The following FBXO8 variants were observed in gnomAD, a reference collection of about 807,000 sequenced individuals.
FBXO8 encodes F-box only protein 8.
A neutral mutation model predicts 33.4 loss-of-function variants in FBXO8; 15 were observed. The ratio of observed to expected loss-of-function variants is 0.45; its 90% CI spans 0.30 to 0.69. FBXO8 has a LOEUF of 0.69. Ranked by LOEUF, FBXO8 falls within the 30% of genes least tolerant of loss-of-function variation. The pLI, the probability that FBXO8 is intolerant of heterozygous loss-of-function variation, is 0.08. For synonymous variants in FBXO8, 132 were observed against 131.5 expected (o/e 1.00, Z -0.02); for missense variants, 274 against 380.3 (o/e 0.72, Z 2.32).
Position 174,253,766 on chromosome 4 carries a change from TAGA to T in FBXO8, c.456+5930_456+5932del, listed in dbSNP as rs1196267897. Among the ~76,000 whole-genome samples, 3 of 152,214 alleles carry T rather than the reference TAGA, an allele frequency of 2.0e-5. No homozygotes were observed. Among genetic ancestry groups the T allele is most frequent in the Non-Finnish European group, 2.9e-5 (2 of 68,046 alleles). On this transcript the variant is annotated intron_variant, in intron 3 of 5. Coordinates refer to ENST00000393674, the MANE Select transcript of FBXO8 (RefSeq NM_012180.3). This position sits in a 1 kb window ranked among gnomAD's most constrained non-coding sequence, Gnocchi z 4.5. Reference sequence around the variant, plus strand: ...TCAATTATGTTCTATAAGAAATGAGTAGAAGTACGCCAAAGGCTTCTCAAAAAG... The same window carrying T: ...TCAATTATGTTCTATAAGAAATGAGTAGTACGCCAAAGGCTTCTCAAAAAG...
Position 174,255,540 on chromosome 4 carries a change from CAT to C in FBXO8, c.456+4157_456+4158del, listed in dbSNP as rs935258644. Among the ~76,000 whole-genome samples the C allele has an allele frequency of 3.3e-5, 5 of 151,214 alleles. No homozygotes were observed. The highest frequency in any genetic ancestry group is 9.7e-5 in the African/African-American group (4 of 41,158). ...TTAGTAAAATGTATAAAATTATACA[CAT>C]GTGGATATTTCTGCATAAATACCAG... On this transcript the variant is annotated intron_variant, in intron 3 of 5. Coordinates refer to ENST00000393674, the MANE Select transcript of FBXO8 (RefSeq NM_012180.3). The surrounding 1 kb of genome is among the most constrained non-coding windows in gnomAD (Gnocchi z 4.3).
In FBXO8 at chr4:174,277,803, A is replaced by C. The variant is rs1240230729; in HGVS notation, c.-9+5607T>G. Reference sequence around the variant, plus strand: ...AATGTGTGCTACAATAGTTATCTCTAAAATACAAATTCTAACGATAAGGAA... The same window carrying C: ...AATGTGTGCTACAATAGTTATCTCTCAAATACAAATTCTAACGATAAGGAA... On this transcript the variant is annotated intron_variant, in intron 1 of 5. Coordinates refer to ENST00000393674, the MANE Select transcript of FBXO8 (RefSeq NM_012180.3). The surrounding 1 kb of genome is among the most constrained non-coding windows in gnomAD (Gnocchi z 4.9). Among the ~76,000 whole-genome samples the C allele has an allele frequency of 6.6e-6, 1 of 152,176 alleles. No homozygotes were observed. Among genetic ancestry groups the C allele is most frequent in the Admixed American group, 6.5e-5 (1 of 15,286 alleles).
chr4:174,282,080 A>C (rs1434175303), intron 1 of FBXO8, among the ~76,000 whole-genome samples: 2 of 152,216 alleles, frequency 1.3e-5, no homozygotes, highest in Admixed American at 6.5e-5. Flanking sequence ...CTGAATGACT[A>C]ATTTCAACAC....
chr4:174,271,252 T>C (rs1329758319), intron 1 of FBXO8, among the ~76,000 whole-genome samples: 1 of 152,152 alleles, frequency 6.6e-6, no homozygotes, highest in Non-Finnish European at 1.5e-5. Flanking sequence ...AGACAGAGGA[T>C]AGTCTGCAAT....
In FBXO8 at chr4:174,261,164, TA is replaced by T. The variant is rs1736550805; in HGVS notation, c.330-1340del. Among the ~76,000 whole-genome samples, 1 of 151,982 alleles carries T rather than the reference TA, an allele frequency of 6.6e-6. No homozygotes were observed. On this transcript the variant is annotated intron_variant, in intron 2 of 5. Coordinates refer to ENST00000393674, the MANE Select transcript of FBXO8 (RefSeq NM_012180.3). The surrounding 1 kb of genome is among the most constrained non-coding windows in gnomAD (Gnocchi z 4.1). Reference sequence around the variant, plus strand: ...AATATTATCAATATTTTTTCAGTCTTATTAATCTAGTCCCAATAAAACCCAA... The same window carrying T: ...AATATTATCAATATTTTTTCAGTCTTTTAATCTAGTCCCAATAAAACCCAA...
At chr4:174,246,556 G>A (rs954162827) in intron 3 of FBXO8, among the ~76,000 whole-genome samples, 2 of 150,806 alleles carry the variant, frequency 1.3e-5, no homozygotes, top group African/African-American at 2.4e-5. Context: ...TACAAAGGAG[G>A]AAAAAATGGC....
At position 174,259,675 on chromosome 4, in the gene FBXO8, C is replaced by G; in HGVS notation, c.456+24G>C. 1 of 1,603,838 alleles carries G rather than the reference C, an allele frequency of 6.2e-7. No homozygotes were observed. Among genetic ancestry groups the G allele is most frequent in the Non-Finnish European group, 8.5e-7 (1 of 1,176,516 alleles). ...AGATAGTAATAAAGGTCACTGGATA[C>G]AAATATTCAAGTTCTTCACTAACCT... On this transcript the variant is annotated intron_variant, in intron 3 of 5. Coordinates refer to ENST00000393674, the MANE Select transcript of FBXO8 (RefSeq NM_012180.3). This position sits in a 1 kb window ranked among gnomAD's most constrained non-coding sequence, Gnocchi z 4.3.
In FBXO8 at chr4:174,270,906, A is replaced by G. The variant is rs760844765; in HGVS notation, c.-8-7806T>C. ...ATAGGTTTTAAACTAATATTGGGAT[A>G]AGTATAAATGGCAGGGTATCATCTC... On this transcript the variant is annotated intron_variant, in intron 1 of 5. Coordinates refer to ENST00000393674, the MANE Select transcript of FBXO8 (RefSeq NM_012180.3). The surrounding 1 kb of genome is among the most constrained non-coding windows in gnomAD (Gnocchi z 4.6). 5.4e-4 allele frequency among the ~76,000 whole-genome samples: 82 copies of G among 152,210 alleles called. 1 individual carries two copies. Among genetic ancestry groups the G allele is most frequent in the Non-Finnish European group, 2.2e-4 (15 of 68,048 alleles).
chr4:174,251,696 G>T lies in FBXO8; in HGVS notation c.456+8003C>A, dbSNP rs1736288690. On this transcript the variant is annotated intron_variant, in intron 3 of 5. Coordinates refer to ENST00000393674, the MANE Select transcript of FBXO8 (RefSeq NM_012180.3). This position sits in a 1 kb window ranked among gnomAD's most constrained non-coding sequence, Gnocchi z 4.2. Reference sequence around the variant, plus strand: ...AGCACCATTTGACTAATTGTAGCTAGTCGCTTGAAGGTATTAAGTTGTCTA... The same window carrying T: ...AGCACCATTTGACTAATTGTAGCTATTCGCTTGAAGGTATTAAGTTGTCTA... Among the ~76,000 whole-genome samples the T allele has an allele frequency of 6.6e-6, 1 of 152,132 alleles. No homozygotes were observed. Among genetic ancestry groups the T allele is most frequent in the African/African-American group, 2.4e-5 (1 of 41,452 alleles).
intron 4 of FBXO8, 44 bp from the exon 5 acceptor site, chr4:174,239,234 A>T (rs767704212): frequency 7.5e-7 from 1 of 1,334,588 alleles, no homozygotes; most frequent in Middle Eastern, 1.9e-4. Context: ...ACTTTTCTTC[A>T]TTAAAAAAAT....
In FBXO8 at chr4:174,263,562, C is replaced by G. The variant is rs971296306; in HGVS notation, c.-8-462G>C. Among the ~76,000 whole-genome samples the G allele has an allele frequency of 1.3e-5, 2 of 152,044 alleles. No homozygotes were observed. The highest frequency in any genetic ancestry group is 6.6e-5 in the Admixed American group (1 of 15,264). ...CTCCTTTTAACCAAACTCCCAGATGCGTAACAGCTGGGAAACAGGCTTTTA... is the reference window on the plus strand; with the variant it reads ...CTCCTTTTAACCAAACTCCCAGATGGGTAACAGCTGGGAAACAGGCTTTTA... On this transcript the variant is annotated intron_variant, in intron 1 of 5. Transcript: ENST00000393674. This position sits in a 1 kb window ranked among gnomAD's most constrained non-coding sequence, Gnocchi z 4.2.
At chr4:174,246,874 GAA>G (rs950647824) in intron 3 of FBXO8, among the ~76,000 whole-genome samples, 3 of 151,998 alleles carry the variant, frequency 2.0e-5, no homozygotes, top group Non-Finnish European at 2.9e-5. Flanking sequence ...GGGAGCATTG[GAA>G]AAGAGAGGGC....
At chr4:174,246,211 A>C (rs1002361172) in intron 3 of FBXO8, among the ~76,000 whole-genome samples, 3 of 152,000 alleles carry the variant, frequency 2.0e-5, no homozygotes, top group African/African-American at 7.2e-5. Context: ...CACCATTTTT[A>C]GGACAGGGAC....
intron 1 of FBXO8, among the ~76,000 whole-genome samples, chr4:174,264,814 T>C (rs1318025259): frequency 1.4e-5 from 2 of 146,584 alleles, no homozygotes; most frequent in Non-Finnish European, 3.0e-5. Flanking sequence ...AAAAACAGAA[T>C]ATCGGGAAAA....
Position 174,256,061 on chromosome 4 carries a change from A to T in FBXO8, c.456+3638T>A. ...TGCAGATGTTCTCCCCCACCCCATGAGCCACTGCCAGCAGCTGCTGTGGAG... is the reference window on the plus strand; with the variant it reads ...TGCAGATGTTCTCCCCCACCCCATGTGCCACTGCCAGCAGCTGCTGTGGAG... On this transcript the variant is annotated intron_variant, in intron 3 of 5. Transcript: ENST00000393674. The surrounding 1 kb of genome is among the most constrained non-coding windows in gnomAD (Gnocchi z 4.6). 1 of 455,980 alleles carries T rather than the reference A, an allele frequency of 2.2e-6. No homozygotes were observed. Among genetic ancestry groups the T allele is most frequent in the South Asian group, 1.5e-5 (1 of 64,524 alleles). 28.2% of individuals were successfully genotyped at this position (455,980 alleles called of 1,614,324 possible).
intron 3 of FBXO8, among the ~76,000 whole-genome samples, chr4:174,258,012 G>A (rs1736456537): frequency 6.6e-6 from 1 of 152,100 alleles, no homozygotes; most frequent in Non-Finnish European, 1.5e-5. Context: ...ACAGACATGA[G>A]CCACTATGCC....
intron 1 of FBXO8, among the ~76,000 whole-genome samples, chr4:174,264,817 C>T (rs1232279959): frequency 5.4e-5 from 8 of 149,228 alleles, no homozygotes; most frequent in East Asian, 3.9e-4. Context: ...AACAGAATAT[C>T]GGGAAAATAA....
In FBXO8 at chr4:174,245,006, CT is replaced by C. The variant is rs1736127824; in HGVS notation, c.457-3789del. ...GTGCATATTTACATATATGCATCTG[CT>C]TTAAAATATTTTTTAAAACATGAAG... On this transcript the variant is annotated intron_variant, in intron 3 of 5. Transcript: ENST00000393674. The surrounding 1 kb of genome is among the most constrained non-coding windows in gnomAD (Gnocchi z 4.6). Among the ~76,000 whole-genome samples the C allele has an allele frequency of 6.6e-6, 1 of 151,620 alleles. No homozygotes were observed. The highest frequency in any genetic ancestry group is 6.6e-5 in the Admixed American group (1 of 15,154).
chr4:174,264,212 A>G (rs1736635874), intron 1 of FBXO8, among the ~76,000 whole-genome samples: 1 of 152,192 alleles, frequency 6.6e-6, no homozygotes, highest in African/African-American at 2.4e-5. Context: ...GCTTCAATTA[A>G]CTGTTTACAA....
Sources: allele counts gnomAD v4.1 joint callset (sites outside exome capture counted in the v4.1 genomes callset), GRCh38; gene constraint gnomAD v4.1.1; non-coding constraint Gnocchi (gnomAD v3.1); transcripts MANE v1.5; gene names NCBI Gene and HGNC (gene_info 2026-07-23, HGNC 2026-07-21).